Variants in DAAM1 observed in about 807,000 individuals in gnomAD.
DAAM1 encodes the protein dishevelled associated activator of morphogenesis 1.
In DAAM1, 52 loss-of-function variants were observed where a neutral mutation model predicts 130.0. The ratio of observed to expected loss-of-function variants is 0.40; its 90% CI spans 0.32 to 0.50. The LOEUF (loss-of-function observed/expected upper bound fraction) is 0.50, where lower values mean the gene tolerates loss of function less well. Ranked by LOEUF, DAAM1 falls within the 20% of genes least tolerant of loss-of-function variation. The pLI, the probability that DAAM1 is intolerant of heterozygous loss-of-function variation, is 0.61. For missense variants in DAAM1, 1,134 were observed against 1,303.8 expected, an observed-to-expected ratio of 0.87 and a Z score of 2.01; for synonymous variants, 452 against 444.5, an observed-to-expected ratio of 1.02 and a Z score of -0.21.
In DAAM1 at chr14:59,215,966, A is replaced by G. The variant is rs780345747; in HGVS notation, c.-38+27198A>G. On this transcript the variant is annotated intron_variant, in intron 1 of 24. Transcript: ENST00000360909. ...TTTTATTCTTGCTGAGCGGGACCATATGAATGACAGGCTTGTTTGCGAGGG... is the reference window on the plus strand; with the variant it reads ...TTTTATTCTTGCTGAGCGGGACCATGTGAATGACAGGCTTGTTTGCGAGGG... Among the ~76,000 whole-genome samples, 12 of 152,280 alleles carry G rather than the reference A, an allele frequency of 7.9e-5. No homozygotes were observed. The Middle Eastern group carries it at 0.01, about 129-fold the overall frequency.
intron 1 of DAAM1, among the ~76,000 whole-genome samples, chr14:59,189,426 G>A (rs1378685790): frequency 2.0e-5 from 3 of 152,206 alleles, no homozygotes; most frequent in Non-Finnish European, 4.4e-5. Context: ...GGGTGTTGGC[G>A]GCCGGGGAGG....
At chr14:59,227,000 T>TC (rs1404957281) in intron 1 of DAAM1, among the ~76,000 whole-genome samples, 2 of 152,202 alleles carry the variant, frequency 1.3e-5, no homozygotes, top group Non-Finnish European at 2.9e-5. Context: ...GTCAGATTTT[T>TC]CCCCCACCTT....
At chr14:59,319,392 A>T (rs1192414882) in intron 4 of DAAM1, among the ~76,000 whole-genome samples, 1 of 152,228 alleles carries the variant, frequency 6.6e-6, no homozygotes, top group African/African-American at 2.4e-5. Flanking sequence ...CTTAATGCTG[A>T]TACTATTGAT....
At chr14:59,313,443 A>T (rs891684098) in intron 3 of DAAM1, among the ~76,000 whole-genome samples, 22 of 152,256 alleles carry the variant, frequency 1.4e-4, no homozygotes, top group African/African-American at 5.3e-4. Context: ...TTATTAAAAC[A>T]TTTCCAAACT....
chr14:59,193,054 A>AAACAACAAC lies in DAAM1; in HGVS notation c.-38+4304_-38+4312dup, dbSNP rs34240731. 3.3e-5 allele frequency among the ~76,000 whole-genome samples: 5 copies of AAACAACAAC among 151,760 alleles called. No homozygotes were observed. In the South Asian group the frequency reaches 6.3e-4, roughly 19 times the overall value. Reference sequence around the variant, plus strand: ...GACTACAGAGCGAGACTCCGTCTCAAAACAACAACAACAACAACAACAACA... The same window carrying AAACAACAAC: ...GACTACAGAGCGAGACTCCGTCTCAAAACAACAACAACAACAACAACAACAACAACAACA... On this transcript the variant is annotated intron_variant, in intron 1 of 24. Coordinates refer to ENST00000360909, the MANE Select transcript of DAAM1 (RefSeq NM_001270520.2).
chr14:59,329,759 T>C (rs1298123708), intron 12 of DAAM1, among the ~76,000 whole-genome samples: 1 of 152,224 alleles, frequency 6.6e-6, no homozygotes, highest in Non-Finnish European at 1.5e-5. Context: ...TGTTTTATTA[T>C]AGCAGGATTG....
At chr14:59,213,076 G>A (rs1024911112) in intron 1 of DAAM1, among the ~76,000 whole-genome samples, 2 of 151,470 alleles carry the variant, frequency 1.3e-5, no homozygotes, top group African/African-American at 4.9e-5. Context: ...ATTAGAAATC[G>A]TTAGTCTTTC....
intron 23 of DAAM1, among the ~76,000 whole-genome samples, chr14:59,365,699 A>G (rs1291390878): frequency 2.0e-5 from 3 of 152,228 alleles, no homozygotes; most frequent in Non-Finnish European, 4.4e-5. Context: ...CAAGTAAAGC[A>G]ATAAAAAAAC....
At chr14:59,318,472 C>T (rs1884876890) in intron 4 of DAAM1, among the ~76,000 whole-genome samples, 2 of 149,204 alleles carry the variant, frequency 1.3e-5, no homozygotes, top group Admixed American at 6.7e-5. Context: ...GAAGCCTCCA[C>T]AAGGCCTGTG....
At chr14:59,238,658 G>T (rs192712684) in intron 1 of DAAM1, among the ~76,000 whole-genome samples, 1 of 152,122 alleles carries the variant, frequency 6.6e-6, no homozygotes, top group Non-Finnish European at 1.5e-5. Flanking sequence ...AACCCTTCAC[G>T]TATAACCCCT....
At chr14:59,267,501 C>A (rs572330183) in intron 2 of DAAM1, among the ~76,000 whole-genome samples, 5 of 149,998 alleles carry the variant, frequency 3.3e-5, no homozygotes, top group African/African-American at 1.2e-4. Flanking sequence ...AAAAAAAAAA[C>A]AAAAAACAAA....
At chr14:59,303,258 AGAG>A (rs746932028) in intron 3 of DAAM1, among the ~76,000 whole-genome samples, 3 of 152,340 alleles carry the variant, frequency 2.0e-5, no homozygotes, top group Admixed American at 1.3e-4. Context: ...TGTGAAACTC[AGAG>A]TGAGTTTCTT....
At chr14:59,297,168 AG>A (rs923463414) in intron 3 of DAAM1, among the ~76,000 whole-genome samples, 1 of 152,152 alleles carries the variant, frequency 6.6e-6, no homozygotes, top group African/African-American at 2.4e-5. Flanking sequence ...CTAGGACTGA[AG>A]GGCTAACTCC....
chr14:59,333,641 G>A (rs28713540), intron 15 of DAAM1, among the ~76,000 whole-genome samples: 31,842 of 152,052 alleles, frequency 0.21, 3,381 homozygotes, highest in African/African-American at 0.25. Flanking sequence ...CGCTGATACT[G>A]TTCCATGCTG....
At chr14:59,234,611 C>G (rs1290378603) in intron 1 of DAAM1, among the ~76,000 whole-genome samples, 1 of 152,088 alleles carries the variant, frequency 6.6e-6, no homozygotes, top group Non-Finnish European at 1.5e-5. Flanking sequence ...ATTTGAATAC[C>G]CTTTATTTCT....
intron 2 of DAAM1, among the ~76,000 whole-genome samples, chr14:59,284,580 G>C (rs1246752806): frequency 6.6e-6 from 1 of 152,086 alleles, no homozygotes; most frequent in Non-Finnish European, 1.5e-5. Context: ...ACAGTAAAAT[G>C]ATCCTGGAGT....
At chr14:59,323,552 CAAT>C (rs1885099211) in intron 6 of DAAM1, among the ~76,000 whole-genome samples, 1 of 152,042 alleles carries the variant, frequency 6.6e-6, no homozygotes, top group Non-Finnish European at 1.5e-5. Context: ...GAATTAGGAT[CAAT>C]ATTAATAATT....
Position 59,245,016 on chromosome 14 carries a change from C to T in DAAM1, c.-37-18425C>T, listed in dbSNP as rs1184998467. 5.9e-5 allele frequency among the ~76,000 whole-genome samples: 9 copies of T among 152,014 alleles called. No homozygotes were observed. In the East Asian group the frequency reaches 1.7e-3, roughly 29 times the overall value. On this transcript the variant is annotated intron_variant, in intron 1 of 24. Transcript: ENST00000360909. ...ATTTTTGTGGAATGGAAAGTGGCAC[C>T]TGTAAGATAACTGATGATCTCAGGG... is the stretch of plus-strand genomic sequence containing the variant.
intron 3 of DAAM1, among the ~76,000 whole-genome samples, chr14:59,308,360 G>T (rs964713306): frequency 2.6e-5 from 4 of 152,150 alleles, no homozygotes; most frequent in Non-Finnish European, 5.9e-5. Context: ...ATTTGGGGAG[G>T]ATATAATCAC....
Sources: gnomAD v4.1 joint callset for allele counts (sites outside exome capture counted in the v4.1 genomes callset) on GRCh38, gnomAD v4.1.1 for gene constraint, MANE v1.5 for transcripts, NCBI Gene and HGNC (gene_info 2026-07-23, HGNC 2026-07-21) for gene names.